Variants in HHAT observed in about 807,000 individuals in gnomAD.
The protein encoded by HHAT is hedgehog acyltransferase, also known as protein-cysteine N-palmitoyltransferase HHAT.
A neutral mutation model predicts 70.8 loss-of-function variants in HHAT; 47 were observed. The ratio of observed to expected loss-of-function variants is 0.66; its 90% CI spans 0.53 to 0.85. The LOEUF (loss-of-function observed/expected upper bound fraction) is 0.85, where lower values mean the gene tolerates loss of function less well. HHAT is among the 40% of genes least tolerant of loss of function. HHAT has a pLI of 0.00. For missense variants in HHAT, 609 were observed against 604.8 expected (o/e 1.01, Z -0.07); for synonymous variants, 228 against 247.6 (o/e 0.92, Z 0.74).
intron 8 of HHAT, among the ~76,000 whole-genome samples, chr1:210,469,063 T>G (rs1016708090): frequency 3.3e-5 from 5 of 152,084 alleles, no homozygotes; most frequent in Non-Finnish European, 5.9e-5. Flanking sequence ...TTAGTACTTT[T>G]TCTTTGCTTG....
At chr1:210,362,236 C>CTTTTTTTTTTTTTTTTTTTTTT (rs72236593) in intron 2 of HHAT, among the ~76,000 whole-genome samples, 2 of 139,674 alleles carry the variant, frequency 1.4e-5, no homozygotes, top group African/African-American at 2.7e-5. Context: ...GTCAAAATTT[C>CTTTTTTTTTTTTTTTTTTTTTT]TTTTTTTTTT....
chr1:210,389,282 G>T (rs899489915), intron 4 of HHAT, among the ~76,000 whole-genome samples: 1 of 152,222 alleles, frequency 6.6e-6, no homozygotes, highest in South Asian at 2.1e-4. Context: ...CACATCTGGT[G>T]AGGGCCTTCT....
intron 11 of HHAT, among the ~76,000 whole-genome samples, chr1:210,645,948 G>T (rs745674811): frequency 2.6e-5 from 4 of 152,082 alleles, no homozygotes; most frequent in African/African-American, 7.2e-5. Context: ...TTTCCATCAG[G>T]AGTTTAGCCT....
chr1:210,620,775 A>T (rs1418717977), intron 10 of HHAT, among the ~76,000 whole-genome samples: 1 of 152,058 alleles, frequency 6.6e-6, no homozygotes, highest in Non-Finnish European at 1.5e-5. Flanking sequence ...TTAATTTCTA[A>T]ATTTTTAAAA....
intron 10 of HHAT, among the ~76,000 whole-genome samples, chr1:210,617,615 T>C (rs977922766): frequency 2.0e-5 from 3 of 152,230 alleles, no homozygotes; most frequent in African/African-American, 7.2e-5. Flanking sequence ...TCCTTAGTTA[T>C]TTGAAAGTAC....
At chr1:210,610,804 G>A (rs901967151) in intron 10 of HHAT, among the ~76,000 whole-genome samples, 2 of 152,070 alleles carry the variant, frequency 1.3e-5, no homozygotes, top group Admixed American at 6.6e-5. Flanking sequence ...TGTCAGGTTT[G>A]TTGGAGATCA....
At chr1:210,448,110 C>T (rs1251733711) in intron 7 of HHAT, among the ~76,000 whole-genome samples, 1 of 144,834 alleles carries the variant, frequency 6.9e-6, no homozygotes, top group Non-Finnish European at 1.5e-5. Context: ...GATGAAGTCT[C>T]GTTCTGTCAC....
rs115132663 is a variant in HHAT at position 210,466,229 on chromosome 1, C to T, written c.1007+1574C>T. 7.1e-3 allele frequency among the ~76,000 whole-genome samples: 1,075 copies of T among 152,286 alleles called. 11 individuals carry two copies. The highest frequency in any genetic ancestry group is 0.024 in the African/African-American group (1,016 of 41,554). ...TTGCAAGGTTTCTTTTTGAAAGAAA[C>T]CCTTCAAAAGGTGGGGTTTCTTTTG... On this transcript the variant is annotated intron_variant, in intron 8 of 11. Coordinates refer to ENST00000261458, the MANE Select transcript of HHAT (RefSeq NM_018194.6).
At chr1:210,351,426 T>A (rs533515203) in intron 2 of HHAT, among the ~76,000 whole-genome samples, 1 of 152,236 alleles carries the variant, frequency 6.6e-6, no homozygotes, top group Admixed American at 6.5e-5. Flanking sequence ...AGTTGACACA[T>A]AGCACTAACC....
At chr1:210,482,433 T>G (rs1044562932) in intron 8 of HHAT, among the ~76,000 whole-genome samples, 2 of 152,212 alleles carry the variant, frequency 1.3e-5, no homozygotes, top group African/African-American at 4.8e-5. Flanking sequence ...ATTATTAGCC[T>G]TACACGTTCA....
At chr1:210,641,582 G>A (rs61557416) in intron 11 of HHAT, among the ~76,000 whole-genome samples, 7,785 of 152,236 alleles carry the variant, frequency 0.051, 334 homozygotes, top group African/African-American at 0.12. Context: ...TGCTTGTTTT[G>A]AAAATGCAAA....
chr1:210,410,446 TG>T (rs745909300), intron 6 of HHAT, among the ~76,000 whole-genome samples: 457 of 145,700 alleles, frequency 3.1e-3, no homozygotes, highest in African/African-American at 0.01. Context: ...AAAAACCTTT[TG>T]TTTTTTTTTT....
At chr1:210,574,890 T>G (rs1313719477) in intron 9 of HHAT, among the ~76,000 whole-genome samples, 1 of 152,194 alleles carries the variant, frequency 6.6e-6, no homozygotes, top group African/African-American at 2.4e-5. Context: ...TATTTTATAG[T>G]GAACATTTTC....
chr1:210,342,263 C>CTT (rs1435252051), intron 1 of HHAT, among the ~76,000 whole-genome samples: 13 of 152,142 alleles, frequency 8.5e-5, no homozygotes, highest in Admixed American at 7.9e-4. Flanking sequence ...TATGTACTGG[C>CTT]TTGCAAGCCT....
At chr1:210,638,571 T>A (rs988245288) in intron 11 of HHAT, among the ~76,000 whole-genome samples, 4 of 152,022 alleles carry the variant, frequency 2.6e-5, no homozygotes, top group Non-Finnish European at 4.4e-5. Context: ...TTTTAGGGGA[T>A]AATGAAATAT....
intron 7 of HHAT, among the ~76,000 whole-genome samples, chr1:210,441,995 C>A (rs1398679151): frequency 9.2e-6 from 1 of 108,542 alleles, no homozygotes; most frequent in African/African-American, 3.6e-5. Flanking sequence ...TGCTATCCCT[C>A]CCCCCTCCCC....
intron 4 of HHAT, among the ~76,000 whole-genome samples, chr1:210,396,523 CTG>C (rs2091796331): frequency 6.6e-6 from 1 of 152,196 alleles, no homozygotes; most frequent in Non-Finnish European, 1.5e-5. Context: ...TGCTGAAAAA[CTG>C]TTTTATAGTT....
chr1:210,426,958 C>T (rs1486144996), intron 7 of HHAT, among the ~76,000 whole-genome samples: 1 of 152,102 alleles, frequency 6.6e-6, no homozygotes, highest in East Asian at 1.9e-4. Context: ...GCTGTGAATC[C>T]ATCTGGTCCT....
chr1:210,544,350 TTTTC>T (rs1310125251), intron 9 of HHAT, among the ~76,000 whole-genome samples: 11 of 150,540 alleles, frequency 7.3e-5, no homozygotes, highest in Admixed American at 4.7e-4. Context: ...TGTTTTTTTC[TTTTC>T]TTTCTTTCTT....
Sources: allele counts gnomAD v4.1 joint callset (sites outside exome capture counted in the v4.1 genomes callset), GRCh38; gene constraint gnomAD v4.1.1; transcripts MANE v1.5; gene names NCBI Gene and HGNC (gene_info 2026-07-23, HGNC 2026-07-21).